Variants in RYR3 observed in about 807,000 individuals in gnomAD.
The protein encoded by RYR3 is ryanodine receptor 3.
RYR3 carries 207 observed loss-of-function variants against 584.3 expected under a neutral mutation model. The ratio of observed to expected loss-of-function variants is 0.35; its 90% CI spans 0.32 to 0.40. The LOEUF (loss-of-function observed/expected upper bound fraction) is 0.40. RYR3 is among the 10% of genes least tolerant of loss of function. The pLI is 1.00. For synonymous variants in RYR3, 2,416 were observed against 2,248.5 expected (o/e 1.07, Z -2.11); for missense variants, 5,616 against 6,089.2 (o/e 0.92, Z 2.59).
intron 16 of RYR3, among the ~76,000 whole-genome samples, chr15:33,599,885 T>C (rs1383293970): frequency 6.6e-6 from 1 of 152,270 alleles, no homozygotes; most frequent in Non-Finnish European, 1.5e-5. Flanking sequence ...GTGTGCTTTT[T>C]ACAGAGCCTT....
chr15:33,505,780 C>G (rs1045274604), intron 3 of RYR3, among the ~76,000 whole-genome samples: 5 of 152,174 alleles, frequency 3.3e-5, no homozygotes, highest in African/African-American at 1.2e-4. Flanking sequence ...GTGTGAGCCA[C>G]CACGCCTGGC....
chr15:33,672,759 A>G (rs1225205501), intron 38 of RYR3, among the ~76,000 whole-genome samples: 1 of 152,246 alleles, frequency 6.6e-6, no homozygotes, highest in East Asian at 1.9e-4. Flanking sequence ...TTGATGAAAT[A>G]ATAAAAGTGT....
chr15:33,796,218 T>C (rs375882566), intron 67 of RYR3, among the ~76,000 whole-genome samples: 52 of 151,982 alleles, frequency 3.4e-4, no homozygotes, highest in African/African-American at 1.2e-3. Context: ...CACTGCAACC[T>C]ACACCTCCTG....
At chr15:33,490,765 A>G (rs2050900809) in intron 2 of RYR3, among the ~76,000 whole-genome samples, 1 of 150,056 alleles carries the variant, frequency 6.7e-6, no homozygotes, top group Non-Finnish European at 1.5e-5. Flanking sequence ...AAAAAGAGTC[A>G]AGAAAGATGA....
intron 1 of RYR3, among the ~76,000 whole-genome samples, chr15:33,393,855 T>G (rs552920915): frequency 6.6e-5 from 10 of 152,200 alleles, no homozygotes; most frequent in Non-Finnish European, 1.2e-4. Flanking sequence ...AAGCAGCTAC[T>G]GAGCAAGGAC....
At position 33,311,723 on chromosome 15, in the gene RYR3, G is replaced by T. The variant is rs547628576; in HGVS notation, c.51+627G>T. Among the ~76,000 whole-genome samples the T allele has an allele frequency of 1.3e-5, 2 of 152,234 alleles. No individual in the cohort carries two copies. The highest frequency in any genetic ancestry group is 2.9e-5 in the Non-Finnish European group (2 of 68,048). On this transcript the variant is annotated intron_variant, in intron 1 of 103. Coordinates refer to ENST00000634891, the MANE Select transcript of RYR3 (RefSeq NM_001036.6). The surrounding 1 kb of genome is among the most constrained non-coding windows in gnomAD (Gnocchi z 4.4). ...AGCCTGACTTGACTGACTGCCTGTC[G>T]TGTGTTCGAGAGCTGTGGCTTCTGC...
chr15:33,593,698 G>A (rs763692454), intron 16 of RYR3, among the ~76,000 whole-genome samples: 6 of 152,078 alleles, frequency 3.9e-5, no homozygotes, highest in African/African-American at 7.2e-5. Flanking sequence ...ACATTATTTC[G>A]AAGACTTTTA....
At chr15:33,591,942 C>T (rs1286031440) in intron 16 of RYR3, among the ~76,000 whole-genome samples, 8 of 152,178 alleles carry the variant, frequency 5.3e-5, no homozygotes, top group Non-Finnish European at 1.0e-4. Flanking sequence ...AAAAATGCAG[C>T]AGCCAAACAG....
chr15:33,800,761 T>C lies in RYR3; in HGVS notation c.9831-9T>C, dbSNP rs1168321721. On this transcript the variant is annotated splice_polypyrimidine_tract_variant and intron_variant, in intron 67 of 103. Coordinates refer to ENST00000634891, the MANE Select transcript of RYR3 (RefSeq NM_001036.6). ...TTTCAAATGCCTGTTTATTTACTTT[T>C]GGACCCAGATCTAACTGGCTGAAAA... The C allele has an allele frequency of 3.1e-6, 5 of 1,608,240 alleles. No homozygotes were observed. The highest frequency in any genetic ancestry group is 2.2e-5 in the South Asian group (2 of 90,988).
chr15:33,803,913 T>C (rs1315084105), intron 69 of RYR3, among the ~76,000 whole-genome samples: 2 of 152,232 alleles, frequency 1.3e-5, no homozygotes, highest in Non-Finnish European at 2.9e-5. Flanking sequence ...GAAATGAATC[T>C]GATACCAGGA....
chr15:33,736,320 C>A lies in RYR3; in HGVS notation c.7510C>A (p.Leu2504Ile). 1 of 1,607,514 alleles carries A rather than the reference C, an allele frequency of 6.2e-7. No homozygotes were observed. The highest frequency in any genetic ancestry group is 2.2e-5 in the East Asian group (1 of 44,832). The change falls in exon 49 of 104, where the codon CTC becomes ATC. Residue 2504 changes from leucine to isoleucine, a missense_variant. Physicochemically the swap from Leu to Ile is conservative, Grantham distance 5. This residue lies in a region of RYR3 where 1,280 missense variants were observed against 1,426.2 expected (regional missense o/e 0.90). Coordinates refer to ENST00000634891, the MANE Select transcript of RYR3 (RefSeq NM_001036.6). ...PQLNEYCKMP[L>I]KLLTNHYEQC... ...ACTCAATGAATACTGCAAAATGCCT[C>A]TCAAGGTAAACATCACTATTGTTAC... is the stretch of plus-strand genomic sequence containing the variant.
intron 72 of RYR3, among the ~76,000 whole-genome samples, chr15:33,811,863 A>G (rs942008163): frequency 6.6e-6 from 1 of 152,160 alleles, no homozygotes; most frequent in Non-Finnish European, 1.5e-5. Flanking sequence ...GCTATTTGAG[A>G]TGTTTTAAAG....
At chr15:33,581,881 A>C (rs2058612676) in intron 14 of RYR3, among the ~76,000 whole-genome samples, 1 of 152,168 alleles carries the variant, frequency 6.6e-6, no homozygotes, top group African/African-American at 2.4e-5. Flanking sequence ...TGTTTGACAG[A>C]CACCTACACT....
Position 33,726,502 on chromosome 15 carries a change from C to A in RYR3, c.7029C>A (p.Asn2343Lys). Residue 2343 changes from asparagine to lysine, a missense_variant, in exon 46 of 104, where the codon AAC becomes AAA. By Grantham distance (94) the Asn-to-Lys change is moderately conservative (BLOSUM62 0). Transcript: ENST00000634891. ...ISIPLKLPSL[N>K]KDGSVSEPDM... Reference sequence around the variant, plus strand: ...TCCCCTTGAAACTGCCCTCCCTCAACAAAGGTAAGGGGAGTGACTGCAGGC... The same window carrying A: ...TCCCCTTGAAACTGCCCTCCCTCAAAAAAGGTAAGGGGAGTGACTGCAGGC... The A allele has an allele frequency of 6.3e-7, 1 of 1,592,650 alleles. No individual in the cohort carries two copies. Among genetic ancestry groups the A allele is most frequent in the South Asian group, 1.1e-5 (1 of 87,546 alleles).
chr15:33,685,438 T>A (rs556760274), intron 38 of RYR3, among the ~76,000 whole-genome samples: 54 of 152,280 alleles, frequency 3.5e-4, no homozygotes, highest in African/African-American at 1.2e-3. Flanking sequence ...GCACCCAGAT[T>A]CATAAAGCAA....
intron 60 of RYR3, among the ~76,000 whole-genome samples, chr15:33,763,721 G>C (rs1335526958): frequency 6.6e-6 from 1 of 151,656 alleles, no homozygotes; most frequent in Non-Finnish European, 1.5e-5. Flanking sequence ...GTGAAACCCC[G>C]TCTCTACTAA....
intron 67 of RYR3, among the ~76,000 whole-genome samples, chr15:33,789,204 C>A (rs1008237004): frequency 2.6e-5 from 4 of 152,088 alleles, no homozygotes; most frequent in African/African-American, 9.7e-5. Context: ...GTCAGAGAGG[C>A]AACACGGGGC....
At chr15:33,846,786 C>A (rs1034962532) in intron 93 of RYR3, among the ~76,000 whole-genome samples, 1 of 152,158 alleles carries the variant, frequency 6.6e-6, no homozygotes, top group Non-Finnish European at 1.5e-5. Context: ...TCTTCTCATA[C>A]ATAAAAATGA....
At chr15:33,399,714 C>T (rs1285166787) in intron 1 of RYR3, among the ~76,000 whole-genome samples, 6 of 152,034 alleles carry the variant, frequency 3.9e-5, no homozygotes, top group African/African-American at 7.3e-5. Context: ...TCCTCAACAC[C>T]CCCAGGCAAG....
Sources: gnomAD v4.1 joint callset for allele counts (sites outside exome capture counted in the v4.1 genomes callset) on GRCh38, gnomAD v4.1.1 for gene constraint, gnomAD v4.1.1 regional missense constraint, Gnocchi (gnomAD v3.1) non-coding constraint, MANE v1.5 for transcripts, NCBI Gene and HGNC (gene_info 2026-07-23, HGNC 2026-07-21) for gene names.